The following GRID2 variants were observed in gnomAD, a reference collection of about 807,000 sequenced individuals.
GRID2 encodes the protein glutamate ionotropic receptor delta type subunit 2.
A neutral mutation model predicts 114.8 loss-of-function variants in GRID2; 33 were observed. That is an observed-to-expected ratio of 0.29 (90% CI 0.22 to 0.38). GRID2 has a LOEUF of 0.38. GRID2 is among the 10% of genes least tolerant of loss of function. GRID2 has a pLI of 1.00. For synonymous variants in GRID2, 505 were observed against 449.9 expected (o/e 1.12, Z -1.55); for missense variants, 1,184 against 1,257.7 (o/e 0.94, Z 0.89).
chr4:93,500,722 C>G (rs1307209523), intron 12 of GRID2, among the ~76,000 whole-genome samples: 1 of 152,008 alleles, frequency 6.6e-6, no homozygotes, highest in East Asian at 1.9e-4. Flanking sequence ...ACTCTGTTAT[C>G]TCACCTTAGC....
Position 93,772,444 on chromosome 4 carries a change from T to A in GRID2, c.2970T>A (p.Thr990=). ...KTMSSIPYQP[T]PTLGLNLGND... is the part of the protein sequence containing the mutation. ...TGTCATCTATTCCTTATCAACCAAC[T>A]CCTACCCTGGGGCTCAATCTGGGTA... Residue 990 remains threonine, a synonymous_variant, in exon 16 of 16, where the codon ACT becomes ACA. Transcript: ENST00000282020. 1 of 1,612,178 alleles carries A rather than the reference T, an allele frequency of 6.2e-7. No individual in the cohort carries two copies. Among genetic ancestry groups the A allele is most frequent in the Non-Finnish European group, 8.5e-7 (1 of 1,178,824 alleles).
At chr4:93,422,718 C>T (rs1025778327) in intron 9 of GRID2, 53 bp from the exon 10 acceptor site, 1 of 1,099,254 alleles carries the variant, frequency 9.1e-7, no homozygotes, top group Non-Finnish European at 1.4e-6. Flanking sequence ...TTAATCTTTG[C>T]TTTTAGGGAG....
intron 2 of GRID2, among the ~76,000 whole-genome samples, chr4:93,068,711 A>G (rs1408840869): frequency 6.6e-6 from 1 of 151,814 alleles, no homozygotes; most frequent in Non-Finnish European, 1.5e-5. Context: ...AAAATTCAGT[A>G]ATCTCGTGTT....
chr4:92,741,298 A>T (rs1736883265), intron 2 of GRID2, among the ~76,000 whole-genome samples: 2 of 152,162 alleles, frequency 1.3e-5, no homozygotes, highest in South Asian at 4.1e-4. Flanking sequence ...TGTCAGTCAC[A>T]TTGCACCATA....
chr4:93,598,046 C>T (rs979619809), intron 13 of GRID2, among the ~76,000 whole-genome samples: 5 of 152,138 alleles, frequency 3.3e-5, no homozygotes, highest in Non-Finnish European at 4.4e-5. Context: ...TTGCTGTGAA[C>T]GAACAATGGA....
At chr4:93,077,730 C>T (rs1021246621) in intron 2 of GRID2, among the ~76,000 whole-genome samples, 2 of 152,124 alleles carry the variant, frequency 1.3e-5, no homozygotes, top group Admixed American at 6.6e-5. Flanking sequence ...GCTATATCTT[C>T]TATCAGCTGC....
chr4:92,670,644 T>C (rs1382588108), intron 2 of GRID2, among the ~76,000 whole-genome samples: 3 of 152,090 alleles, frequency 2.0e-5, no homozygotes, highest in African/African-American at 4.8e-5. Context: ...TTTCAGTAAA[T>C]GTTAAAACTA....
chr4:93,220,041 G>T (rs1744693237), intron 6 of GRID2, among the ~76,000 whole-genome samples: 1 of 152,068 alleles, frequency 6.6e-6, no homozygotes, highest in Non-Finnish European at 1.5e-5. Flanking sequence ...CACTTAGGAA[G>T]AGGACCAAGG....
chr4:92,762,278 G>C (rs1441116158), intron 2 of GRID2, among the ~76,000 whole-genome samples: 1 of 151,886 alleles, frequency 6.6e-6, no homozygotes, highest in Non-Finnish European at 1.5e-5. Context: ...ATTTCTTACT[G>C]ATTAAATATA....
chr4:93,432,495 C>A (rs890145432), intron 10 of GRID2, among the ~76,000 whole-genome samples: 4 of 152,064 alleles, frequency 2.6e-5, no homozygotes, highest in African/African-American at 4.8e-5. Context: ...AAAGACATAA[C>A]CAGAGACTGA....
At chr4:93,357,015 A>T (rs1341699724) in intron 8 of GRID2, among the ~76,000 whole-genome samples, 3 of 151,712 alleles carry the variant, frequency 2.0e-5, no homozygotes, top group Non-Finnish European at 4.4e-5. Flanking sequence ...GAATATCTAT[A>T]TTTAAATTCT....
intron 11 of GRID2, among the ~76,000 whole-genome samples, chr4:93,473,435 A>C (rs553117004): frequency 1.3e-5 from 2 of 152,310 alleles, no homozygotes; most frequent in Admixed American, 6.5e-5. Context: ...GTAATAGTCA[A>C]TTAAAATAAT....
intron 2 of GRID2, among the ~76,000 whole-genome samples, chr4:92,809,669 G>C (rs899413676): frequency 6.6e-6 from 1 of 151,766 alleles, no homozygotes; most frequent in Non-Finnish European, 1.5e-5. Flanking sequence ...ATCTGACATT[G>C]GCAAACCAAA....
chr4:93,249,731 A>T (rs1459902954), intron 8 of GRID2, among the ~76,000 whole-genome samples: 1 of 152,194 alleles, frequency 6.6e-6, no homozygotes, highest in East Asian at 1.9e-4. Flanking sequence ...TGCAGCCAAC[A>T]AACATATGAA....
chr4:93,611,989 C>A (rs1045602672), intron 13 of GRID2, among the ~76,000 whole-genome samples: 6 of 149,710 alleles, frequency 4.0e-5, no homozygotes, highest in Non-Finnish European at 8.9e-5. Flanking sequence ...CTTTATGAAT[C>A]TGGGTGCTCC....
At chr4:93,145,865 T>TACACAC (rs10605314) in intron 4 of GRID2, among the ~76,000 whole-genome samples, 9 of 147,876 alleles carry the variant, frequency 6.1e-5, no homozygotes, top group South Asian at 2.1e-4. Flanking sequence ...CACACACACA[T>TACACAC]ACACACACAC....
chr4:93,725,253 G>A (rs193283338), intron 14 of GRID2, among the ~76,000 whole-genome samples: 46 of 152,168 alleles, frequency 3.0e-4, no homozygotes, highest in Middle Eastern at 3.4e-3. Context: ...CTGTCCTTGC[G>A]ATAGTTTGCT....
At chr4:92,836,807 A>G (rs1307566850) in intron 2 of GRID2, among the ~76,000 whole-genome samples, 1 of 152,162 alleles carries the variant, frequency 6.6e-6, no homozygotes, top group African/African-American at 2.4e-5. Context: ...GGTAAACCAC[A>G]TAGACTACAA....
At chr4:93,068,842 T>G (rs1728550391) in intron 2 of GRID2, among the ~76,000 whole-genome samples, 1 of 152,038 alleles carries the variant, frequency 6.6e-6, no homozygotes, top group Non-Finnish European at 1.5e-5. Context: ...ATACCTGATA[T>G]TGGGTAATTG....
Sources: allele counts gnomAD v4.1 joint callset (sites outside exome capture counted in the v4.1 genomes callset), GRCh38; gene constraint gnomAD v4.1.1; transcripts MANE v1.5; gene names NCBI Gene and HGNC (gene_info 2026-07-23, HGNC 2026-07-21).